PPP1R21: variants seen among roughly 807,000 people sequenced by gnomAD.
PPP1R21 encodes the protein KLRAQ motif containing 1.
A neutral mutation model predicts 112.8 loss-of-function variants in PPP1R21; 85 were observed. The observed-to-expected ratio is 0.75, with a 90% confidence interval of 0.63 to 0.90. The LOEUF (loss-of-function observed/expected upper bound fraction) is 0.90. Ranked by LOEUF, PPP1R21 falls within the 40% of genes least tolerant of loss-of-function variation. The probability of loss-of-function intolerance (pLI) is 0.00; values close to 1 mark genes in which losing one functional copy is unlikely to be tolerated. For synonymous variants in PPP1R21, 381 were observed against 322.3 expected (o/e 1.18, Z -1.95); for missense variants, 1,199 against 901.5 (o/e 1.33, Z -4.23).
chr2:48,458,098 T>C (rs1667803571), intron 3 of PPP1R21, 28 bp from the exon 4 acceptor site: 2 of 1,454,900 alleles, frequency 1.4e-6, no homozygotes, highest in South Asian at 2.3e-5. Context: ...ATGAAAGTTA[T>C]GTGGACATAA....
At position 48,458,106 on chromosome 2, in the gene PPP1R21, T is replaced by TAA; in HGVS notation, c.274-19_274-18dup. ...CTAAAGGATGAAAGTTATGTGGACA[T>TAA]AACTTATTCTTTCCATCAGAAAAGT... On this transcript the variant is annotated intron_variant, in intron 3 of 21. Coordinates refer to ENST00000294952, the MANE Select transcript of PPP1R21 (RefSeq NM_001135629.3). 3 of 1,524,244 alleles carry TAA rather than the reference T, an allele frequency of 2.0e-6. No homozygotes were observed. The highest frequency in any genetic ancestry group is 2.7e-6 in the Non-Finnish European group (3 of 1,099,630). The allele number at this position is 1,524,244 out of a possible 1,614,324, so 94.4% of individuals were successfully genotyped here.
rs778562693 is a variant in PPP1R21, at chr2:48,465,551, C to T, written c.806C>T (p.Ala269Val). 6.2e-7 allele frequency: 1 copy of T among 1,613,928 alleles called. No individual in the cohort carries two copies. The highest frequency in any genetic ancestry group is 1.1e-5 in the South Asian group (1 of 91,044). The change falls in exon 9 of 22, where the codon GCT (alanine) becomes GTT (valine). Residue 269 changes from alanine (A) to valine (V), a missense_variant. Physicochemically the swap from Ala to Val is moderately conservative, Grantham distance 64 (BLOSUM62 0). Coordinates refer to ENST00000294952, the MANE Select transcript of PPP1R21 (RefSeq NM_001135629.3). ...GCTTTTGTTCAGGATCTTGTGACGG[C>T]TCTTCTAAACTTTCATACCTACACA... Reference protein sequence around the residue: ...ALAFVQDLVTALLNFHTYTEQ... With the variant: ...ALAFVQDLVTVLLNFHTYTEQ...
intron 21 of PPP1R21, among the ~76,000 whole-genome samples, chr2:48,514,111 T>C (rs1356959194): frequency 2.8e-4 from 2 of 7,100 alleles, no homozygotes; most frequent in African/African-American, 3.1e-3. Flanking sequence ...CAGAGTCTTG[T>C]TGCTCCATCT....
intron 21 of PPP1R21, among the ~76,000 whole-genome samples, chr2:48,514,353 T>C (rs1670777336): frequency 6.6e-6 from 1 of 152,206 alleles, no homozygotes; most frequent in Admixed American, 6.5e-5. Context: ...CCCAAAGTGC[T>C]GGGGTTTAGG....
rs111776932 is a variant in PPP1R21, at chr2:48,480,360, A to G, written c.1318+344A>G. Reference sequence around the variant, plus strand: ...AAATACGTTGCGCTTCTTAGAGCCCAAGCACAAAGGAATTGAGGAAACCAA... The same window carrying G: ...AAATACGTTGCGCTTCTTAGAGCCCGAGCACAAAGGAATTGAGGAAACCAA... On this transcript the variant is annotated intron_variant, in intron 13 of 21. Coordinates refer to ENST00000294952, the MANE Select transcript of PPP1R21 (RefSeq NM_001135629.3). 4.1e-3 allele frequency among the ~76,000 whole-genome samples: 624 copies of G among 152,350 alleles called. 8 individuals are homozygous for G. Among genetic ancestry groups the G allele is most frequent in the African/African-American group, 0.014 (593 of 41,590 alleles).
intron 7 of PPP1R21, among the ~76,000 whole-genome samples, chr2:48,463,005 G>A (rs1422089799): frequency 6.6e-6 from 1 of 152,194 alleles, no homozygotes; most frequent in Non-Finnish European, 1.5e-5. Flanking sequence ...AAAGAAAAGA[G>A]GTAGACAGGA....
intron 17 of PPP1R21, among the ~76,000 whole-genome samples, chr2:48,503,869 C>T (rs1670244214): frequency 6.7e-6 from 1 of 149,998 alleles, no homozygotes; most frequent in Non-Finnish European, 1.5e-5. Context: ...AAGAGAATTG[C>T]TTGAACCCAG....
chr2:48,483,195 C>CTTTTTTTTTTTTTTTTT (rs755036470), intron 13 of PPP1R21, among the ~76,000 whole-genome samples: 1 of 80,914 alleles, frequency 1.2e-5, no homozygotes, highest in Non-Finnish European at 2.1e-5. Flanking sequence ...CTTTTTTTTC[C>CTTTTTTTTTTTTTTTTT]TTTTTTTTTT....
intron 17 of PPP1R21, among the ~76,000 whole-genome samples, chr2:48,501,578 A>G (rs1018153046): frequency 6.6e-6 from 1 of 152,210 alleles, no homozygotes; most frequent in Non-Finnish European, 1.5e-5. Flanking sequence ...GGGATGTCTC[A>G]TCCCAAGCCC....
At chr2:48,502,091 A>T (rs1350879572) in intron 17 of PPP1R21, 1 of 152,116 alleles carries the variant, frequency 6.6e-6, no homozygotes, top group Non-Finnish European at 1.5e-5. Context: ...TTATTTGAAC[A>T]TTTTCAATGG....
chr2:48,478,776 A>G (rs1256195947), intron 12 of PPP1R21, among the ~76,000 whole-genome samples: 1 of 152,160 alleles, frequency 6.6e-6, no homozygotes, highest in Non-Finnish European at 1.5e-5. Flanking sequence ...TCGCTAATCT[A>G]CCAATTTCTT....
At chr2:48,466,370 C>G (rs112436433) in intron 9 of PPP1R21, among the ~76,000 whole-genome samples, 13,893 of 152,064 alleles carry the variant, frequency 0.091, 721 homozygotes, top group Non-Finnish European at 0.12. Flanking sequence ...CACCACCACA[C>G]TGGCTAATTT....
At chr2:48,441,894 T>A (rs1184332463) in intron 1 of PPP1R21, among the ~76,000 whole-genome samples, 1 of 152,246 alleles carries the variant, frequency 6.6e-6, no homozygotes, top group Non-Finnish European at 1.5e-5. Context: ...TGGTAATTCC[T>A]TTTTGCAATT....
chr2:48,498,394 T>C, intron 16 of PPP1R21, 99 bp from the exon 17 acceptor site: 1 of 1,137,372 alleles, frequency 8.8e-7, no homozygotes, highest in South Asian at 1.5e-5. Context: ...TTTTTACCTC[T>C]GTGGGGTAGT....
chr2:48,471,070 CT>C lies in PPP1R21; in HGVS notation c.898-14del, dbSNP rs780174379. Reference sequence around the variant, plus strand: ...TTTTCCAGTGATTTAATTCACAATACTTTCCCTCCTGTTTAGTTCTCACAAT... The same window carrying C: ...TTTTCCAGTGATTTAATTCACAATACTTCCCTCCTGTTTAGTTCTCACAAT... On this transcript the variant is annotated splice_polypyrimidine_tract_variant and intron_variant, in intron 9 of 21. Transcript: ENST00000294952. 177 of 1,509,070 alleles carry C rather than the reference CT, an allele frequency of 1.2e-4. No homozygotes were observed. The highest frequency in any genetic ancestry group is 1.5e-4 in the Non-Finnish European group (160 of 1,086,578). 93.5% of individuals were successfully genotyped at this position (1,509,070 alleles called of 1,614,324 possible).
At chr2:48,514,225 A>G (rs1363917609) in intron 21 of PPP1R21, among the ~76,000 whole-genome samples, 1 of 151,814 alleles carries the variant, frequency 6.6e-6, no homozygotes, top group African/African-American at 2.4e-5. Flanking sequence ...AGCTGGGACT[A>G]CAGGCACCCG....
At chr2:48,503,285 G>A (rs974391811) in intron 17 of PPP1R21, among the ~76,000 whole-genome samples, 3 of 152,066 alleles carry the variant, frequency 2.0e-5, no homozygotes, top group Admixed American at 6.6e-5. Flanking sequence ...AGTTGACACT[G>A]TACTACATAA....
intron 4 of PPP1R21, among the ~76,000 whole-genome samples, chr2:48,458,727 A>G (rs1414552168): frequency 6.6e-6 from 1 of 152,048 alleles, no homozygotes; most frequent in African/African-American, 2.4e-5. Flanking sequence ...TGTCTTACTT[A>G]TGTCAGGCAC....
chr2:48,500,805 A>G (rs1199206367), intron 17 of PPP1R21, among the ~76,000 whole-genome samples: 1 of 152,148 alleles, frequency 6.6e-6, no homozygotes, highest in Non-Finnish European at 1.5e-5. Flanking sequence ...GCTACTCGGG[A>G]GGCTGAGACA....
Sources: allele counts gnomAD v4.1 joint callset (sites outside exome capture counted in the v4.1 genomes callset), GRCh38; gene constraint gnomAD v4.1.1; transcripts MANE v1.5; gene names NCBI Gene and HGNC (gene_info 2026-07-23, HGNC 2026-07-21).